Variants in RHBDF2 observed in about 807,000 individuals in gnomAD.
The protein encoded by RHBDF2 is rhomboid 5 homolog 2.
Under a neutral mutation model 95.2 loss-of-function variants are expected in RHBDF2, and 38 were observed. The ratio of observed to expected loss-of-function variants is 0.40; its 90% confidence interval spans 0.31 to 0.52. RHBDF2 has a LOEUF of 0.52. Ranked by LOEUF, RHBDF2 falls within the 20% of genes least tolerant of loss-of-function variation. The pLI, the probability that RHBDF2 is intolerant of heterozygous loss-of-function variation, is 0.56. For synonymous variants in RHBDF2, 442 were observed against 462.0 expected (o/e 0.96, Z 0.55); for missense variants, 863 against 1,137.7 (o/e 0.76, Z 3.47).
intron 1 of RHBDF2, among the ~76,000 whole-genome samples, chr17:76,496,134 T>C (rs1314935873): frequency 1.3e-5 from 2 of 152,138 alleles, no homozygotes; most frequent in Non-Finnish European, 2.9e-5. Context: ...TGCTGTGAGA[T>C]GGGTTGATGC....
Position 76,472,716 on chromosome 17 carries a change from G to C in RHBDF2, c.2034C>G (p.Ala678=), listed in dbSNP as rs1228804799. ...CCCGGTATGGGAGAAAGATGGCACT[G>C]GCGAGGTTGCCTGTGATGCCACTGA... is the stretch of plus-strand genomic sequence containing the variant. ...FILSGITGNL[A]SAIFLPYRAE... The change falls in exon 18 of 19, where the codon GCC becomes GCG. Residue 678 remains alanine (A), a synonymous_variant. Coordinates refer to ENST00000675367, the MANE Select transcript of RHBDF2 (RefSeq NM_001005498.4). 1 of 1,614,106 alleles carries C rather than the reference G, an allele frequency of 6.2e-7. No individual in the cohort carries two copies. The highest frequency in any genetic ancestry group is 2.2e-5 in the East Asian group (1 of 44,892).
Position 76,479,677 on chromosome 17 carries a change from G to A in RHBDF2, c.272+56C>T, listed in dbSNP as rs557315978. 2.7e-4 allele frequency: 377 copies of A among 1,398,750 alleles called. 4 individuals carry two copies. In the South Asian group the frequency reaches 3.0e-3, roughly 11 times the overall value. 86.6% of individuals were successfully genotyped at this position (1,398,750 alleles called of 1,614,324 possible). On this transcript the variant is annotated intron_variant, in intron 4 of 18. Transcript: ENST00000675367. Reference sequence around the variant, plus strand: ...CCAGGCCCAATCATGTCCAGGCCCCGAGAATCCACAGGTTGCTGGGTGGGG... The same window carrying A: ...CCAGGCCCAATCATGTCCAGGCCCCAAGAATCCACAGGTTGCTGGGTGGGG...
intron 1 of RHBDF2, among the ~76,000 whole-genome samples, chr17:76,488,490 ACT>A (rs942858341): frequency 8.0e-5 from 10 of 124,826 alleles, no homozygotes; most frequent in Non-Finnish European, 7.6e-5. Context: ...ACAGAGGGAG[ACT>A]CTGCCTCAAA....
chr17:76,473,358 C>T, intron 15 of RHBDF2, 31 bp from the exon 16 acceptor site: 1 of 1,583,076 alleles, frequency 6.3e-7, no homozygotes, highest in Non-Finnish European at 8.6e-7. Context: ...GAGGGGACAT[C>T]AGGGCGCCGA....
intron 2 of RHBDF2, among the ~76,000 whole-genome samples, chr17:76,482,309 A>G (rs1440945301): frequency 2.0e-5 from 3 of 151,622 alleles, no homozygotes; most frequent in Admixed American, 2.0e-4. Flanking sequence ...CTGTCCCCCA[A>G]GGCCACCCAG....
chr17:76,494,325 T>G lies in RHBDF2; in HGVS notation c.-219-6416A>C, dbSNP rs143672477. On this transcript the variant is annotated intron_variant, in intron 1 of 18. Coordinates refer to ENST00000675367, the MANE Select transcript of RHBDF2 (RefSeq NM_001005498.4). Reference sequence around the variant, plus strand: ...GGAGTCCTGCATCCCCGAAGCCCAATGTGCAGCAGCTGCTGGCAAGACACA... The same window carrying G: ...GGAGTCCTGCATCCCCGAAGCCCAAGGTGCAGCAGCTGCTGGCAAGACACA... Among the ~76,000 whole-genome samples the G allele has an allele frequency of 3.3e-3, 508 of 152,154 alleles. 2 individuals are homozygous for G. The highest frequency in any genetic ancestry group is 0.011 in the African/African-American group (470 of 41,512).
rs181356307 is a variant in RHBDF2, at chr17:76,494,510, G to C, written c.-219-6601C>G. 7.4e-3 allele frequency among the ~76,000 whole-genome samples: 1,126 copies of C among 152,276 alleles called. 11 individuals carry two copies. The highest frequency in any genetic ancestry group is 0.011 in the Non-Finnish European group (778 of 68,010). On this transcript the variant is annotated intron_variant, in intron 1 of 18. Coordinates refer to ENST00000675367, the MANE Select transcript of RHBDF2 (RefSeq NM_001005498.4). ...CTCACACCTGTAATCCCAGCACTTT[G>C]GGAGGCTGAGGTGGGCAGATCACCT...
chr17:76,496,848 G>T (rs1214895206), intron 1 of RHBDF2, among the ~76,000 whole-genome samples: 9 of 152,080 alleles, frequency 5.9e-5, no homozygotes, highest in Admixed American at 5.9e-4. Context: ...TGTAAGCTCT[G>T]CCTTCTGGGT....
intron 1 of RHBDF2, chr17:76,500,791 C>G (rs953810051): frequency 1.3e-5 from 2 of 152,454 alleles, no homozygotes; most frequent in Non-Finnish European, 2.9e-5. Context: ...CCCAGCCCCT[C>G]CATCCAGAAG....
chr17:76,491,413 C>T (rs2074295548), intron 1 of RHBDF2, among the ~76,000 whole-genome samples: 1 of 150,680 alleles, frequency 6.6e-6, no homozygotes, highest in Non-Finnish European at 1.5e-5. Flanking sequence ...AGAGCCTGGT[C>T]AGCCCCAGGG....
intron 1 of RHBDF2, among the ~76,000 whole-genome samples, chr17:76,500,019 T>A (rs921209445): frequency 6.6e-6 from 1 of 152,106 alleles, no homozygotes; most frequent in African/African-American, 2.4e-5. Flanking sequence ...GGGGAATAAG[T>A]GCCCTCACAC....
rs1044129202 is a variant in RHBDF2, at chr17:76,474,815, G to A, written c.1228-11C>T. 2 of 1,612,148 alleles carry A rather than the reference G, an allele frequency of 1.2e-6. No homozygotes were observed. The highest frequency in any genetic ancestry group is 1.3e-5 in the African/African-American group (1 of 74,904). ...TTTGTTCCGCAGCACCTATCGTGGAGGTAGCACAGAGGAGGGCGTCAGAAC... is the reference window on the plus strand; with the variant it reads ...TTTGTTCCGCAGCACCTATCGTGGAAGTAGCACAGAGGAGGGCGTCAGAAC... On this transcript the variant is annotated splice_polypyrimidine_tract_variant and intron_variant, in intron 10 of 18. Coordinates refer to ENST00000675367, the MANE Select transcript of RHBDF2 (RefSeq NM_001005498.4).
chr17:76,485,786 A>G (rs1008714183), intron 2 of RHBDF2, among the ~76,000 whole-genome samples: 1 of 152,188 alleles, frequency 6.6e-6, no homozygotes, highest in African/African-American at 2.4e-5. Context: ...CTTCAGCCAC[A>G]AAAGGAAGGA....
chr17:76,486,984 G>A (rs749191146), intron 2 of RHBDF2, among the ~76,000 whole-genome samples: 4 of 105,274 alleles, frequency 3.8e-5, no homozygotes, highest in Non-Finnish European at 7.4e-5. Context: ...TTGAGACTGA[G>A]TTTCATTCTT....
At chr17:76,495,424 C>T (rs553725725) in intron 1 of RHBDF2, among the ~76,000 whole-genome samples, 2 of 152,352 alleles carry the variant, frequency 1.3e-5, no homozygotes, top group African/African-American at 4.8e-5. Flanking sequence ...GGTCACAGGC[C>T]CATCTCTAAC....
intron 6 of RHBDF2, among the ~76,000 whole-genome samples, chr17:76,478,484 G>T (rs140178329): frequency 8.5e-5 from 13 of 152,362 alleles, no homozygotes; most frequent in Admixed American, 7.2e-4. Flanking sequence ...TGCCCAGCAC[G>T]TAACAGGGAC....
chr17:76,485,215 C>A (rs992594782), intron 2 of RHBDF2, among the ~76,000 whole-genome samples: 1 of 152,136 alleles, frequency 6.6e-6, no homozygotes, highest in African/African-American at 2.4e-5. Context: ...CGAGACCAGC[C>A]TGACCAACAT....
intron 1 of RHBDF2, among the ~76,000 whole-genome samples, chr17:76,490,211 C>T (rs536469197): frequency 1.8e-4 from 27 of 152,330 alleles, no homozygotes; most frequent in East Asian, 1.5e-3. Flanking sequence ...GGATGTCTCC[C>T]GCTTCTTTAA....
At chr17:76,473,609 G>A in intron 15 of RHBDF2, 39 bp downstream of exon 15, 2 of 1,528,022 alleles carry the variant, frequency 1.3e-6, no homozygotes, top group Non-Finnish European at 1.8e-6. Flanking sequence ...AGCTCGGGGG[G>A]GCAGTGGGAT....
Sources: gnomAD v4.1 joint callset for allele counts (sites outside exome capture counted in the v4.1 genomes callset) on GRCh38, gnomAD v4.1.1 for gene constraint, MANE v1.5 for transcripts, NCBI Gene and HGNC (gene_info 2026-07-23, HGNC 2026-07-21) for gene names.